GPHN: variants seen among roughly 807,000 people sequenced by gnomAD.
GPHN encodes gephyrin.
A neutral mutation model predicts 95.5 loss-of-function variants in GPHN; 17 were observed. The observed-to-expected ratio is 0.18, with a 90% CI of 0.12 to 0.27. GPHN has a LOEUF of 0.27. GPHN is among the 10% of genes least tolerant of loss of function. The pLI, the probability that GPHN is intolerant of heterozygous loss-of-function variation, is 1.00. For synonymous variants in GPHN, 320 were observed against 322.5 expected (o/e 0.99, Z 0.08); for missense variants, 660 against 978.1 (o/e 0.67, Z 4.34).
At chr14:67,572,034 G>T in the GPHN span, 1 of 1,488,520 alleles carries the variant, frequency 6.7e-7, no homozygotes, top group Non-Finnish European at 9.1e-7. Context: ...CCCAGCCCCA[G>T]AGACCGGGTC....
At chr14:67,352,289 G>C in the GPHN span, among the ~76,000 whole-genome samples, 1 of 151,980 alleles carries the variant, frequency 6.6e-6, no homozygotes, top group South Asian at 2.1e-4. Context: ...GGGCAACATA[G>C]TGAGACCTCG....
chr14:66,635,978 G>GA (rs1037369070), intron 1 of GPHN, among the ~76,000 whole-genome samples: 21 of 149,594 alleles, frequency 1.4e-4, no homozygotes, highest in South Asian at 1.3e-3. Context: ...CTCTACTAAA[G>GA]AAAAAAAAAG....
chr14:66,562,034 A>G (rs1188116602), intron 1 of GPHN, among the ~76,000 whole-genome samples: 3 of 152,178 alleles, frequency 2.0e-5, no homozygotes, highest in African/African-American at 7.2e-5. Context: ...CAATTGGGAA[A>G]GGGTCTCTCT....
At position 66,632,444 on chromosome 14, in the gene GPHN, T is replaced by G. The variant is rs191160670; in HGVS notation, c.65-48663T>G. On this transcript the variant is annotated intron_variant, in intron 1 of 22. Coordinates refer to ENST00000478722, the MANE Select transcript of GPHN (RefSeq NM_020806.5). ...GCTGTACATTAATGTAAAGGTTGACTTCCTTACAGATTTGTCTCCATACTT... is the reference window on the plus strand; with the variant it reads ...GCTGTACATTAATGTAAAGGTTGACGTCCTTACAGATTTGTCTCCATACTT... Among the ~76,000 whole-genome samples, 4 of 152,182 alleles carry G rather than the reference T, an allele frequency of 2.6e-5. No individual in the cohort carries two copies. In the East Asian group the frequency reaches 7.7e-4, roughly 29 times the overall value.
rs762967467 is a variant in GPHN, at chr14:67,036,501, G to GCACACACACACACACACACACACACA, written c.1006+12841_1006+12866dup. Among the ~76,000 whole-genome samples, 236 of 118,158 alleles carry GCACACACACACACACACACACACACA rather than the reference G, an allele frequency of 2.0e-3. 8 individuals carry two copies. The highest frequency in any genetic ancestry group is 5.0e-3 in the African/African-American group (131 of 26,014). The allele number at this position is 118,158 out of a possible 152,430, so 77.5% of individuals were successfully genotyped here. A position where few individuals can be genotyped will look rare whatever the true frequency, so the allele number is the denominator to read the frequency against. On this transcript the variant is annotated intron_variant, in intron 10 of 22. Transcript: ENST00000478722. The stretch of plus-strand genomic sequence containing the variant: ...GAAAATTCCACTTATATACATACAT[G>GCACACACACACACACACACACACACA]CACACACACACACACACACACACAC...
At chr14:67,314,997 A>C in the GPHN span, among the ~76,000 whole-genome samples, 2 of 152,102 alleles carry the variant, frequency 1.3e-5, no homozygotes, top group Non-Finnish European at 2.9e-5. Context: ...AGTCCCAGCT[A>C]TTCAGGAGGC....
At chr14:67,318,930 T>C in the GPHN span, among the ~76,000 whole-genome samples, 2 of 151,848 alleles carry the variant, frequency 1.3e-5, no homozygotes, top group Non-Finnish European at 2.9e-5. Flanking sequence ...TGATGGCGGG[T>C]GCCTGTAGTC....
chr14:67,631,430 C>CTTTTTTTTTT, the GPHN span, among the ~76,000 whole-genome samples: 14 of 128,474 alleles, frequency 1.1e-4, no homozygotes, highest in South Asian at 2.5e-4. Context: ...TCCTTTCTTT[C>CTTTTTTTTTT]TTTCTTTTTT....
At chr14:66,635,133 A>G (rs910236810) in intron 1 of GPHN, among the ~76,000 whole-genome samples, 1 of 152,132 alleles carries the variant, frequency 6.6e-6, no homozygotes, top group Admixed American at 6.5e-5. Context: ...TGGACTTTGT[A>G]TGATTGTTTG....
chr14:67,587,141 C>T, the GPHN span: 1 of 1,613,954 alleles, frequency 6.2e-7, no homozygotes, highest in Non-Finnish European at 8.5e-7. Flanking sequence ...AACCCCCCCA[C>T]CAACCCACCC....
At chr14:67,050,385 A>G (rs1363069952) in intron 10 of GPHN, among the ~76,000 whole-genome samples, 1 of 152,204 alleles carries the variant, frequency 6.6e-6, no homozygotes, top group East Asian at 1.9e-4. Flanking sequence ...TTTGCCATTC[A>G]TTAAATACCC....
the GPHN span, among the ~76,000 whole-genome samples, chr14:67,494,950 T>G: frequency 6.6e-6 from 1 of 152,178 alleles, no homozygotes; most frequent in Non-Finnish European, 1.5e-5. Flanking sequence ...TGTCTCTACA[T>G]AAAAATTTAA....
the GPHN span, among the ~76,000 whole-genome samples, chr14:67,495,376 G>C: frequency 2.6e-5 from 4 of 152,284 alleles, no homozygotes; most frequent in South Asian, 6.2e-4. Flanking sequence ...TTAAACTTTG[G>C]AGTGTATCCG....
chr14:67,590,423 A>G, the GPHN span, among the ~76,000 whole-genome samples: 1 of 151,920 alleles, frequency 6.6e-6, no homozygotes, highest in Non-Finnish European at 1.5e-5. Context: ...CAGTGGCACA[A>G]TCTCGGCTCA....
chr14:66,581,344 TC>T (rs1473351079), intron 1 of GPHN, among the ~76,000 whole-genome samples: 4 of 151,886 alleles, frequency 2.6e-5, no homozygotes, highest in African/African-American at 9.6e-5. Flanking sequence ...CTTAAAATAG[TC>T]TAACTGTAAG....
the GPHN span, among the ~76,000 whole-genome samples, chr14:67,418,344 T>G: frequency 6.6e-6 from 1 of 152,200 alleles, no homozygotes; most frequent in Non-Finnish European, 1.5e-5. Context: ...GTGTTCTCTC[T>G]TCCTGTGATG....
At chr14:67,523,986 G>C in the GPHN span, among the ~76,000 whole-genome samples, 3 of 87,310 alleles carry the variant, frequency 3.4e-5, no homozygotes, top group Non-Finnish European at 7.6e-5. Flanking sequence ...AACACAGAGG[G>C]GATGAATCCT....
the GPHN span, among the ~76,000 whole-genome samples, chr14:67,526,913 C>A: frequency 1.3e-5 from 2 of 152,162 alleles, no homozygotes; most frequent in African/African-American, 4.8e-5. Context: ...CCCTGACACA[C>A]CATCGAAAAC....
chr14:66,760,361 C>T (rs1468848697), intron 2 of GPHN, among the ~76,000 whole-genome samples: 1 of 152,098 alleles, frequency 6.6e-6, no homozygotes, highest in African/African-American at 2.4e-5. Flanking sequence ...TTAAAAATTA[C>T]TCTGTAATCT....
Sources: gnomAD v4.1 joint callset for allele counts (sites outside exome capture counted in the v4.1 genomes callset) on GRCh38, gnomAD v4.1.1 for gene constraint, MANE v1.5 for transcripts, NCBI Gene and HGNC (gene_info 2026-07-23, HGNC 2026-07-21) for gene names.